The following ARMC12 variants were observed in gnomAD, a reference collection of about 807,000 sequenced individuals.
ARMC12 encodes armadillo repeat containing 12.
In ARMC12, 25 loss-of-function variants were observed where a neutral mutation model predicts 37.4. The observed-to-expected ratio is 0.67, with a 90% CI of 0.49 to 0.93. ARMC12 has a LOEUF of 0.93. Among genes scored for constraint, ARMC12 ranks in the 40% least tolerant of loss-of-function variants. The pLI is 0.00. For missense variants in ARMC12, 384 were observed against 426.6 expected, an observed-to-expected ratio of 0.90 and a Z score of 0.88; for synonymous variants, 167 against 176.1, an observed-to-expected ratio of 0.95 and a Z score of 0.41.
chr6:35,738,288 G>A, intron 2 of ARMC12, 96 bp from the exon 3 acceptor site: 8 of 1,400,872 alleles, frequency 5.7e-6, no homozygotes, highest in East Asian at 2.4e-5. Context: ...GATAGCGGTG[G>A]GGGGGGGGTG....
At chr6:35,731,933 T>A in the ARMC12 span, among the ~76,000 whole-genome samples, 8 of 151,620 alleles carry the variant, frequency 5.3e-5, no homozygotes, top group Non-Finnish European at 1.2e-4. Flanking sequence ...AGAGTTAAAC[T>A]AGGTGCCGGC....
upstream of ARMC12, among the ~76,000 whole-genome samples, chr6:35,736,421 C>T (rs1766963601): frequency 6.6e-6 from 1 of 152,176 alleles, no homozygotes; most frequent in Admixed American, 6.5e-5. Flanking sequence ...AAACACCTCA[C>T]CCAGAAATGC....
chr6:35,748,467 A>C (rs1025942853), intron 5 of ARMC12, 71 bp from the exon 6 acceptor site: 27 of 1,297,796 alleles, frequency 2.1e-5, no homozygotes, highest in Non-Finnish European at 2.4e-5. Flanking sequence ...AGGCAATAGG[A>C]ATATACAAGA....
At chr6:35,745,716 G>A (rs1375586232) in intron 3 of ARMC12, among the ~76,000 whole-genome samples, 1 of 152,174 alleles carries the variant, frequency 6.6e-6, no homozygotes, top group African/African-American at 2.4e-5. Flanking sequence ...GGACCTCGCT[G>A]TACTATTTTT....
chr6:35,747,231 A>G (rs776641315), intron 3 of ARMC12, 30 bp from the exon 4 acceptor site: 1 of 1,598,212 alleles, frequency 6.3e-7, no homozygotes, highest in Admixed American at 1.7e-5. Flanking sequence ...CACCTGTAAA[A>G]GTAAGCCCTT....
At chr6:35,746,173 G>C (rs933946625) in intron 3 of ARMC12, among the ~76,000 whole-genome samples, 2 of 152,156 alleles carry the variant, frequency 1.3e-5, no homozygotes, top group Non-Finnish European at 2.9e-5. Context: ...GCTGGGATGG[G>C]GGTGGTTAGA....
intron 3 of ARMC12, 100 bp downstream of exon 3, chr6:35,738,618 G>A (rs1767070315): frequency 6.8e-7 from 1 of 1,479,260 alleles, no homozygotes; most frequent in Middle Eastern, 1.9e-4. Context: ...AGTTTGTTTG[G>A]GTGTGAATTT....
chr6:35,746,262 G>C (rs1767335021), intron 3 of ARMC12, among the ~76,000 whole-genome samples: 1 of 152,090 alleles, frequency 6.6e-6, no homozygotes, highest in Non-Finnish European at 1.5e-5. Flanking sequence ...TCTGGGGATA[G>C]AGTGTGCTAA....
In ARMC12 at chr6:35,747,766, C is replaced by T. The variant is rs181785372; in HGVS notation, c.690+119C>T. 61 of 1,038,094 alleles carry T rather than the reference C, an allele frequency of 5.9e-5. No individual in the cohort carries two copies. In the East Asian group the frequency reaches 1.5e-3, roughly 26 times the overall value. The allele number at this position is 1,038,094 out of a possible 1,614,324, so 64.3% of individuals were successfully genotyped here. On this transcript the variant is annotated intron_variant, in intron 5 of 5. Transcript: ENST00000373866. The stretch of plus-strand genomic sequence containing the variant: ...GAATTGTTTTAGTATCTTCCTGCCT[C>T]TGCACTAAATGCACTGAAAATCATG...
chr6:35,747,177 TG>T, intron 3 of ARMC12, 83 bp from the exon 4 acceptor site: 1 of 1,489,176 alleles, frequency 6.7e-7, no homozygotes, highest in East Asian at 2.3e-5. Flanking sequence ...GGGACATCCA[TG>T]GGGACAGTGA....
At chr6:35,733,121 G>A (rs1303444153), upstream of ARMC12, among the ~76,000 whole-genome samples, 1 of 152,268 alleles carries the variant, frequency 6.6e-6, no homozygotes, top group Non-Finnish European at 1.5e-5. Context: ...GCAGTGAGCC[G>A]AGATGGCGCC....
In ARMC12 at chr6:35,747,057, T is replaced by TAAA. The variant is rs74403253; in HGVS notation, c.445-188_445-186dup. 3.0e-3 allele frequency among the ~76,000 whole-genome samples: 245 copies of TAAA among 82,512 alleles called. 3 individuals carry two copies. Among genetic ancestry groups the TAAA allele is most frequent in the African/African-American group, 7.5e-3 (131 of 17,420 alleles). 54.1% of individuals were successfully genotyped at this position (82,512 alleles called of 152,430 possible). On this transcript the variant is annotated intron_variant, in intron 3 of 5. Coordinates refer to ENST00000373866, the MANE Select transcript of ARMC12 (RefSeq NM_001286574.2). ...GCAGAATAGCTAGGAAAGAAGTCTG[T>TAAA]AAAAAAAAAAAAAAAAAAGCCAAAT...
upstream of ARMC12, among the ~76,000 whole-genome samples, chr6:35,736,411 A>G (rs899932822): frequency 1.6e-4 from 25 of 152,296 alleles, no homozygotes; most frequent in African/African-American, 6.0e-4. Flanking sequence ...GGCATACCCC[A>G]AACACCTCAC....
upstream of ARMC12, among the ~76,000 whole-genome samples, chr6:35,733,408 CT>C (rs1422529722): frequency 2.0e-5 from 3 of 152,296 alleles, no homozygotes; most frequent in South Asian, 4.1e-4. Context: ...AAGTGCTTTA[CT>C]TAATCCTCAC....
At chr6:35,743,010 G>A (rs1046325266) in intron 3 of ARMC12, among the ~76,000 whole-genome samples, 3 of 152,050 alleles carry the variant, frequency 2.0e-5, no homozygotes, top group African/African-American at 7.3e-5. Context: ...CTGTTCCCTC[G>A]TTCTGAAACC....
At chr6:35,745,949 G>A (rs1767324083) in intron 3 of ARMC12, among the ~76,000 whole-genome samples, 1 of 152,162 alleles carries the variant, frequency 6.6e-6, no homozygotes. Context: ...GGGAGGCTGA[G>A]GCAGGAGAAT....
At chr6:35,742,488 C>T (rs1236460315) in intron 3 of ARMC12, among the ~76,000 whole-genome samples, 1 of 110,248 alleles carries the variant, frequency 9.1e-6, no homozygotes, top group Non-Finnish European at 1.7e-5. Context: ...CAGAACGAGA[C>T]TCTGTCTCAA....
chr6:35,735,145 C>G (rs1766926838), upstream of ARMC12: 1 of 152,156 alleles, frequency 6.6e-6, no homozygotes, highest in Admixed American at 6.5e-5. The surrounding 1 kb of genome is among the most constrained non-coding windows in gnomAD (Gnocchi z 4.0). Flanking sequence ...AACTCTGGGT[C>G]CCACCCTGGA....
At chr6:35,733,780 G>C (rs1179580500), upstream of ARMC12, 1 of 152,312 alleles carries the variant, frequency 6.6e-6, no homozygotes, top group African/African-American at 2.4e-5. Context: ...GTTTACAGGC[G>C]TGAGCCACCG....
Sources: allele counts gnomAD v4.1 joint callset (sites outside exome capture counted in the v4.1 genomes callset), GRCh38; gene constraint gnomAD v4.1.1; non-coding constraint Gnocchi (gnomAD v3.1); transcripts MANE v1.5; gene names NCBI Gene and HGNC (gene_info 2026-07-23, HGNC 2026-07-21).